The following IP6K1 variants were observed in gnomAD, a reference collection of about 807,000 sequenced individuals.
IP6K1 encodes the protein inositol hexakisphosphate kinase 1, also known as ATP:1D-myo-inositol-hexakisphosphate phosphotransferase.
IP6K1 carries 13 observed loss-of-function variants against 38.3 expected under a neutral mutation model. That is an observed-to-expected ratio of 0.34 (90% CI 0.22 to 0.54). The LOEUF is 0.54. IP6K1 is among the 20% of genes least tolerant of loss of function. IP6K1 has a pLI of 0.92. For synonymous variants in IP6K1, 212 were observed against 229.9 expected, an observed-to-expected ratio of 0.92 and a Z score of 0.70; for missense variants, 397 against 599.8, an observed-to-expected ratio of 0.66 and a Z score of 3.53.
intron 1 of IP6K1, among the ~76,000 whole-genome samples, chr3:49,752,361 G>A (rs924121826): frequency 2.4e-4 from 37 of 151,538 alleles, no homozygotes; most frequent in Admixed American, 2.0e-3. Context: ...GGTGGCGGGC[G>A]CCTGTAGTCC....
chr3:49,772,798 C>T (rs1040243985), intron 1 of IP6K1, among the ~76,000 whole-genome samples: 10 of 146,996 alleles, frequency 6.8e-5, no homozygotes, highest in Non-Finnish European at 1.2e-4. Flanking sequence ...GGTCTCACTA[C>T]GTTGCCCAGG....
chr3:49,733,414 T>G (rs1000496636), intron 3 of IP6K1, among the ~76,000 whole-genome samples: 1 of 152,108 alleles, frequency 6.6e-6, no homozygotes, highest in Non-Finnish European at 1.5e-5. Flanking sequence ...CATTCCTAGG[T>G]ATACACCCAA....
chr3:49,728,068 T>C (rs981442991), intron 5 of IP6K1, 35 bp downstream of exon 5: 3 of 1,589,796 alleles, frequency 1.9e-6, no homozygotes, highest in East Asian at 2.2e-5. Flanking sequence ...ATCATGCAAG[T>C]GGCAGCACCT....
intron 1 of IP6K1, among the ~76,000 whole-genome samples, chr3:49,753,267 T>G (rs1398234568): frequency 6.6e-6 from 1 of 152,078 alleles, no homozygotes; most frequent in Non-Finnish European, 1.5e-5. Flanking sequence ...CACTAGTCAT[T>G]CCCTCTGCCT....
At chr3:49,755,297 G>C (rs1387227227) in intron 1 of IP6K1, among the ~76,000 whole-genome samples, 1 of 151,814 alleles carries the variant, frequency 6.6e-6, no homozygotes, top group African/African-American at 2.4e-5. Flanking sequence ...CATTTCACAG[G>C]TATATTTGCA....
chr3:49,761,456 T>C (rs1297804306), intron 1 of IP6K1, among the ~76,000 whole-genome samples: 2 of 150,988 alleles, frequency 1.3e-5, no homozygotes, highest in Non-Finnish European at 2.9e-5. Context: ...CTACTAAAAA[T>C]ACAAAAAATT....
intron 3 of IP6K1, among the ~76,000 whole-genome samples, chr3:49,735,414 T>C (rs2080600629): frequency 6.6e-6 from 1 of 152,128 alleles, no homozygotes; most frequent in South Asian, 2.1e-4. Context: ...GAGAGAACCA[T>C]CAATTGTCAG....
chr3:49,783,724 A>AAAG (rs1484750511), intron 1 of IP6K1, among the ~76,000 whole-genome samples: 5 of 151,914 alleles, frequency 3.3e-5, no homozygotes, highest in Admixed American at 1.3e-4. Context: ...AAAAAAAAAA[A>AAAG]AAAGAAAGAA....
At chr3:49,740,028 T>G (rs1425635796) in intron 2 of IP6K1, among the ~76,000 whole-genome samples, 1 of 151,652 alleles carries the variant, frequency 6.6e-6, no homozygotes, top group Non-Finnish European at 1.5e-5. Flanking sequence ...TAAAATAAAA[T>G]TGTGGTGTTT....
At chr3:49,784,013 T>C (rs533482969) in intron 1 of IP6K1, among the ~76,000 whole-genome samples, 1 of 151,656 alleles carries the variant, frequency 6.6e-6, no homozygotes, top group Non-Finnish European at 1.5e-5. Context: ...TTATTTATTA[T>C]TTATTTATTT....
rs2080521175 is a variant in IP6K1, at chr3:49,727,619, T to G, written c.829A>C (p.Asn277His). Residue 277 changes from asparagine to histidine, a missense_variant, in exon 6 of 6, where the codon AAC (asparagine) becomes CAC (histidine). By Grantham distance (68) the Asn-to-His change is moderately conservative. This residue lies in a region of IP6K1 where 62 missense variants were observed against 149.2 expected (regional missense o/e 0.42). Coordinates refer to ENST00000321599, the MANE Select transcript of IP6K1 (RefSeq NM_153273.4). The surrounding 1 kb of genome is among the most constrained non-coding windows in gnomAD (Gnocchi z 5.9). Reference protein sequence around the residue: ...QLDTGHYLCRNKYYGRGLSIE... With the variant: ...QLDTGHYLCRHKYYGRGLSIE... ...GAGAGCCCACGGCCATAGTACTTGT[T>G]CCTGCAGAGGTAATGCCCTGTGTCC... 6.2e-7 allele frequency: 1 copy of G among 1,614,084 alleles called. No homozygotes were observed. Among genetic ancestry groups the G allele is most frequent in the Admixed American group, 1.7e-5 (1 of 60,008 alleles).
chr3:49,762,084 TA>T (rs2080872862), intron 1 of IP6K1, among the ~76,000 whole-genome samples: 2 of 152,132 alleles, frequency 1.3e-5, no homozygotes, highest in Non-Finnish European at 2.9e-5. Flanking sequence ...TGAGAGTAAC[TA>T]AAACTACAGG....
chr3:49,748,712 A>G (rs764471997), intron 1 of IP6K1, among the ~76,000 whole-genome samples: 3 of 152,146 alleles, frequency 2.0e-5, no homozygotes, highest in Non-Finnish European at 2.9e-5. Context: ...GTGGTCCCCA[A>G]ATTTTTTGGC....
intron 1 of IP6K1, among the ~76,000 whole-genome samples, chr3:49,754,380 G>GA (rs1247540892): frequency 5.6e-4 from 80 of 143,876 alleles, no homozygotes; most frequent in Admixed American, 2.3e-3. Context: ...TGTCTCAGGG[G>GA]AAAAAAAAAA....
intron 1 of IP6K1, among the ~76,000 whole-genome samples, chr3:49,761,941 G>GTC (rs762822553): frequency 2.0e-5 from 3 of 151,922 alleles, no homozygotes; most frequent in South Asian, 2.1e-4. Flanking sequence ...GTGAAACCCT[G>GTC]TCTCTCTCTC....
intron 4 of IP6K1, among the ~76,000 whole-genome samples, chr3:49,728,721 G>A (rs890276947): frequency 6.6e-6 from 1 of 151,664 alleles, no homozygotes; most frequent in Non-Finnish European, 1.5e-5. Context: ...GATTACAGGT[G>A]CCCGCCACTA....
At chr3:49,769,709 G>A (rs1326899835) in intron 1 of IP6K1, among the ~76,000 whole-genome samples, 1 of 152,210 alleles carries the variant, frequency 6.6e-6, no homozygotes, top group African/African-American at 2.4e-5. Flanking sequence ...TAGGTCATAA[G>A]AGGCTTCATG....
intron 1 of IP6K1, among the ~76,000 whole-genome samples, chr3:49,770,054 T>C (rs1412571052): frequency 6.6e-6 from 1 of 151,876 alleles, no homozygotes; most frequent in Non-Finnish European, 1.5e-5. Context: ...TAGAAAAAAC[T>C]AGCCCTGCAT....
intron 3 of IP6K1, 26 bp from the exon 4 acceptor site, chr3:49,732,998 C>T: frequency 1.3e-6 from 2 of 1,584,580 alleles, no homozygotes; most frequent in Non-Finnish European, 1.7e-6. Flanking sequence ...ATACACATCA[C>T]TAAGAAACTC....
Sources: gnomAD v4.1 joint callset for allele counts (sites outside exome capture counted in the v4.1 genomes callset) on GRCh38, gnomAD v4.1.1 for gene constraint, gnomAD v4.1.1 regional missense constraint, Gnocchi (gnomAD v3.1) non-coding constraint, MANE v1.5 for transcripts, NCBI Gene and HGNC (gene_info 2026-07-23, HGNC 2026-07-21) for gene names.